Variants in PRMT8 observed in about 807,000 individuals in gnomAD.
PRMT8 encodes the protein protein arginine methyltransferase 8, also known as protein arginine N-methyltransferase 8.
In PRMT8, 7 loss-of-function variants were observed where a neutral mutation model predicts 47.1. The observed-to-expected ratio is 0.15, with a 90% CI of 0.08 to 0.28. PRMT8 has a LOEUF of 0.28. Ranked by LOEUF, PRMT8 falls within the 10% of genes least tolerant of loss-of-function variation. PRMT8 has a pLI of 1.00. For missense variants in PRMT8, 237 were observed against 505.4 expected (o/e 0.47, Z 5.09); for synonymous variants, 188 against 186.5 (o/e 1.01, Z -0.07).
intron 1 of PRMT8, among the ~76,000 whole-genome samples, chr12:3,410,955 G>T (rs925578635): frequency 6.6e-6 from 1 of 152,218 alleles, no homozygotes; most frequent in Admixed American, 6.5e-5. Flanking sequence ...TGAGGTTCTA[G>T]GTGATGTGAT....
chr12:3,549,842 G>T (rs1394846602), intron 2 of PRMT8, 94 bp from the exon 3 acceptor site: 1 of 1,445,230 alleles, frequency 6.9e-7, no homozygotes, highest in Non-Finnish European at 9.6e-7. Flanking sequence ...GTCTCCTGAA[G>T]GGTCACCTGG....
intron 2 of PRMT8, 78 bp from the exon 3 acceptor site, chr12:3,549,849 CTGGGGTGGT>C: frequency 6.6e-7 from 1 of 1,505,608 alleles, no homozygotes; most frequent in South Asian, 1.2e-5. Flanking sequence ...GAAGGGTCAC[CTGGGGTGGT>C]CCAGGGGCTC....
intron 1 of PRMT8, among the ~76,000 whole-genome samples, chr12:3,420,426 C>T (rs987383524): frequency 1.3e-5 from 2 of 152,198 alleles, no homozygotes; most frequent in Admixed American, 1.3e-4. Flanking sequence ...CTATGAACCC[C>T]CTTCCATATT....
At chr12:3,476,372 G>A (rs1431180261) in intron 1 of PRMT8, among the ~76,000 whole-genome samples, 1 of 152,196 alleles carries the variant, frequency 6.6e-6, no homozygotes, top group Non-Finnish European at 1.5e-5. Flanking sequence ...GCTGGTCTCA[G>A]ACAGACCATT....
Position 3,514,298 on chromosome 12 carries a change from C to T in PRMT8, c.75+22598C>T, listed in dbSNP as rs376570530. 6.2e-4 allele frequency among the ~76,000 whole-genome samples: 94 copies of T among 151,892 alleles called. No individual in the cohort carries two copies. Among genetic ancestry groups the T allele is most frequent in the African/African-American group, 1.3e-3 (54 of 41,350 alleles). On this transcript the variant is annotated intron_variant, in intron 1 of 9. Coordinates refer to ENST00000382622, the MANE Select transcript of PRMT8 (RefSeq NM_019854.5). This position sits in a 1 kb window ranked among gnomAD's most constrained non-coding sequence, Gnocchi z 5.9. ...TTCTGGTTCCTCTGAGGTTGGTATC[C>T]GGTTGGCTCAGTGTCAGAGCCCTGG... is the stretch of plus-strand genomic sequence containing the variant.
intron 1 of PRMT8, among the ~76,000 whole-genome samples, chr12:3,420,797 T>C (rs1181816545): frequency 6.6e-6 from 1 of 152,226 alleles, no homozygotes; most frequent in Non-Finnish European, 1.5e-5. Context: ...CCAGAGTCCG[T>C]TTCTGTGGAT....
chr12:3,578,770 C>G (rs567576416), intron 7 of PRMT8, among the ~76,000 whole-genome samples: 1 of 152,172 alleles, frequency 6.6e-6, no homozygotes, highest in Admixed American at 6.5e-5. Context: ...GTCCTGGACA[C>G]AAGCCTTGCT....
In PRMT8 at chr12:3,583,282, C is replaced by G. The variant is rs772495186; in HGVS notation, c.979+74C>G. ...TCAAGTCTTTGTGGGGTGACCAGAG[C>G]TGGCCTTGACTTGGGGAGAAGGGGC... On this transcript the variant is annotated intron_variant, in intron 8 of 9. Transcript: ENST00000382622. This position sits in a 1 kb window ranked among gnomAD's most constrained non-coding sequence, Gnocchi z 4.7. 60 of 1,472,214 alleles carry G rather than the reference C, an allele frequency of 4.1e-5. No homozygotes were observed. Among genetic ancestry groups the G allele is most frequent in the Non-Finnish European group, 5.3e-5 (58 of 1,093,482 alleles). 91.2% of individuals were successfully genotyped at this position (1,472,214 alleles called of 1,614,324 possible). A position where few individuals can be genotyped will look rare whatever the true frequency, so the allele number is the denominator to read the frequency against.
intron 1 of PRMT8, among the ~76,000 whole-genome samples, chr12:3,458,008 A>G (rs12311151): frequency 0.01 from 1,573 of 151,864 alleles, 27 homozygotes; most frequent in African/African-American, 0.036. Flanking sequence ...ATGCCCAGCT[A>G]ATTTTTGTAT....
At position 3,557,453 on chromosome 12, in the gene PRMT8, C is replaced by T. The variant is rs924963204; in HGVS notation, c.481+3739C>T. ...TGTCTAGTGGCCACAAGTGGAGCTG[C>T]GATCCTGAGGCCCAAGTAGGGGGAT... On this transcript the variant is annotated intron_variant, in intron 4 of 9. Transcript: ENST00000382622. The surrounding 1 kb of genome is among the most constrained non-coding windows in gnomAD (Gnocchi z 4.7). 1.3e-5 allele frequency among the ~76,000 whole-genome samples: 2 copies of T among 152,258 alleles called. 1 individual carries two copies.
At chr12:3,461,854 A>T (rs1447438556) in intron 1 of PRMT8, among the ~76,000 whole-genome samples, 1 of 152,148 alleles carries the variant, frequency 6.6e-6, no homozygotes, top group Non-Finnish European at 1.5e-5. Flanking sequence ...AGCTTCCTAC[A>T]GCCTTTGTTA....
intron 1 of PRMT8, among the ~76,000 whole-genome samples, chr12:3,484,300 G>C (rs1402847478): frequency 6.6e-6 from 1 of 152,234 alleles, no homozygotes; most frequent in Non-Finnish European, 1.5e-5. Context: ...CAAACAGAAG[G>C]AGGATGCGGG....
chr12:3,393,353 C>A (rs1463786937), intron 1 of PRMT8, among the ~76,000 whole-genome samples: 1 of 149,702 alleles, frequency 6.7e-6, no homozygotes, highest in Non-Finnish European at 1.5e-5. Context: ...TTAGGTATAA[C>A]GTTTAAGTCT....
At chr12:3,510,386 T>A (rs1162403154) in intron 1 of PRMT8, among the ~76,000 whole-genome samples, 1 of 152,166 alleles carries the variant, frequency 6.6e-6, no homozygotes, top group African/African-American at 2.4e-5. Flanking sequence ...TACTATACAG[T>A]TTCAAATAAA....
Position 3,568,572 on chromosome 12 carries a change from G to C in PRMT8, c.482-134G>C, listed in dbSNP as rs572325319. Reference sequence around the variant, plus strand: ...TGTTGGTATAAACTAGTTTGGTAAAGGGTGAGCTACATCATATCCTAAAAG... The same window carrying C: ...TGTTGGTATAAACTAGTTTGGTAAACGGTGAGCTACATCATATCCTAAAAG... On this transcript the variant is annotated intron_variant, in intron 4 of 9. Coordinates refer to ENST00000382622, the MANE Select transcript of PRMT8 (RefSeq NM_019854.5). The C allele has an allele frequency of 6.3e-6, 6 of 953,824 alleles. No individual in the cohort carries two copies. The South Asian group carries it at 1.0e-4, about 16-fold the overall frequency. 59.1% of individuals were successfully genotyped at this position (953,824 alleles called of 1,614,324 possible).
chr12:3,465,619 A>C (rs1490922961), intron 1 of PRMT8, among the ~76,000 whole-genome samples: 1 of 152,202 alleles, frequency 6.6e-6, no homozygotes, highest in Non-Finnish European at 1.5e-5. Context: ...TTTTGAAGGC[A>C]TAGGGAGTCA....
chr12:3,416,778 G>A (rs1864487848), intron 1 of PRMT8, among the ~76,000 whole-genome samples: 1 of 152,248 alleles, frequency 6.6e-6, no homozygotes. Flanking sequence ...GAAAGACAAT[G>A]TCAGGAGGAA....
chr12:3,427,336 G>C (rs969289884), intron 1 of PRMT8, among the ~76,000 whole-genome samples: 1 of 152,018 alleles, frequency 6.6e-6, no homozygotes, highest in African/African-American at 2.4e-5. Context: ...TAAAGAGCAG[G>C]TTAGTGCCTT....
At chr12:3,498,107 C>T (rs1865536364) in intron 1 of PRMT8, among the ~76,000 whole-genome samples, 1 of 152,152 alleles carries the variant, frequency 6.6e-6, no homozygotes, top group Admixed American at 6.5e-5. Flanking sequence ...CTCTGACCTT[C>T]TTGTAGAACT....
Sources: allele counts gnomAD v4.1 joint callset (sites outside exome capture counted in the v4.1 genomes callset), GRCh38; gene constraint gnomAD v4.1.1; non-coding constraint Gnocchi (gnomAD v3.1); transcripts MANE v1.5; gene names NCBI Gene and HGNC (gene_info 2026-07-23, HGNC 2026-07-21).